The following LIPA variants were observed in gnomAD, a reference collection of about 807,000 sequenced individuals.
LIPA encodes the protein lysosomal acid lipase/cholesteryl ester hydrolase.
Under a neutral mutation model 40.6 loss-of-function variants are expected in LIPA, and 26 were observed. The observed-to-expected ratio is 0.64, with a 90% CI of 0.47 to 0.89. The LOEUF (loss-of-function observed/expected upper bound fraction) is 0.89, where lower values mean the gene tolerates loss of function less well. LIPA is among the 40% of genes least tolerant of loss of function. The pLI, the probability that LIPA is intolerant of heterozygous loss-of-function variation, is 0.00. For missense variants in LIPA, 455 were observed against 479.6 expected (o/e 0.95, Z 0.48); for synonymous variants, 188 against 168.4 (o/e 1.12, Z -0.90).
At chr10:89,308,072 G>A (rs1843494195) in intron 1 of LIPA, 1 of 152,326 alleles carries the variant, frequency 6.6e-6, no homozygotes, top group Admixed American at 6.5e-5. Flanking sequence ...AGTATACAGA[G>A]AGTTCACCTC....
Position 89,223,687 on chromosome 10 carries a change from A to G in LIPA, c.819T>C (p.Asn273=). 1 of 1,608,260 alleles carries G rather than the reference A, an allele frequency of 6.2e-7. No individual in the cohort carries two copies. Among genetic ancestry groups the G allele is most frequent in the Non-Finnish European group, 8.5e-7 (1 of 1,174,846 alleles). The change falls in exon 7 of 10, where the codon AAT becomes AAC. Residue 273 remains asparagine, a synonymous_variant. Coordinates refer to ENST00000336233, the MANE Select transcript of LIPA (RefSeq NM_000235.4). ...ATCTTACTATAAACATGCATACCAT[A>G]TTTAAATTTCTCTCATTAAATCCAC... ...LLCGFNERNL[N]MSRVDVYTTH...
chr10:89,407,051 A>G (rs303174), intron 2 of LIPA, among the ~76,000 whole-genome samples: 97,006 of 151,956 alleles, frequency 0.64, 33,216 homozygotes, highest in African/African-American at 0.89. Context: ...AACAACCCCC[A>G]ACTCTTTGGA....
chr10:89,292,658 A>G (rs1370982962), intron 1 of LIPA, among the ~76,000 whole-genome samples: 1 of 152,142 alleles, frequency 6.6e-6, no homozygotes, highest in Non-Finnish European at 1.5e-5. Flanking sequence ...ATACTAACAT[A>G]ATTCCTTTTT....
chr10:89,306,893 C>A (rs774089331), intron 1 of LIPA: 2 of 1,614,038 alleles, frequency 1.2e-6, no homozygotes, highest in Non-Finnish European at 1.7e-6. Context: ...AAGAAAGTTA[C>A]TGGAACTAAT....
chr10:89,316,281 G>A (rs1004363230), intron 1 of LIPA, among the ~76,000 whole-genome samples: 3 of 152,206 alleles, frequency 2.0e-5, no homozygotes, highest in South Asian at 2.1e-4. Context: ...CGCCTCACCC[G>A]GGAAGTGCAA....
chr10:89,360,580 G>C (rs1298579880), intron 2 of LIPA, among the ~76,000 whole-genome samples: 1 of 152,212 alleles, frequency 6.6e-6, no homozygotes, highest in Non-Finnish European at 1.5e-5. Context: ...TTTTACTAGA[G>C]ATGGGTTTTC....
At chr10:89,380,436 T>TG (rs1491569491) in intron 2 of LIPA, among the ~76,000 whole-genome samples, 1 of 92,260 alleles carries the variant, frequency 1.1e-5, no homozygotes, top group Admixed American at 1.2e-4. Flanking sequence ...CAAACTCATC[T>TG]TTTTTTTTTT....
chr10:89,366,594 T>C (rs1475239684), intron 2 of LIPA, among the ~76,000 whole-genome samples: 2 of 152,150 alleles, frequency 1.3e-5, no homozygotes, highest in Non-Finnish European at 2.9e-5. Context: ...TCACTGGCCA[T>C]CAGAGAAATG....
intron 3 of LIPA, among the ~76,000 whole-genome samples, chr10:89,228,909 A>T (rs1280106222): frequency 6.6e-6 from 1 of 152,234 alleles, no homozygotes; most frequent in African/African-American, 2.4e-5. Context: ...TGCTGGTGGA[A>T]ATGCAAACTG....
chr10:89,245,776 G>C lies in LIPA; in HGVS notation c.129C>G (p.Tyr43Ter), dbSNP rs121965087. 1.3e-6 allele frequency: 2 copies of C among 1,571,134 alleles called. No individual in the cohort carries two copies. Among genetic ancestry groups the C allele is most frequent in the Non-Finnish European group, 1.8e-6 (2 of 1,140,854 alleles). ...TNMNVSEIISYWGFPSEEYLV... is the reference protein window; with the variant it reads ...TNMNVSEIIS ...GGTATTCCTCACTAGGGAATCCCCA[G>C]TAAGAGATAATTTCACTCTGTAGAG... The change falls in exon 3 of 10, where the codon TAC becomes TAG. Residue 43 changes from tyrosine (Y) to a stop codon, truncating the protein, a stop_gained. Transcript: ENST00000336233. LOFTEE classifies it high-confidence loss of function.
At chr10:89,318,857 A>C (rs1386694357) in intron 1 of LIPA, among the ~76,000 whole-genome samples, 1 of 152,236 alleles carries the variant, frequency 6.6e-6, no homozygotes, top group South Asian at 2.1e-4. Context: ...AATTATAACA[A>C]ACTGTCTCTC....
At chr10:89,377,885 C>A (rs1487762460) in intron 2 of LIPA, among the ~76,000 whole-genome samples, 1 of 152,200 alleles carries the variant, frequency 6.6e-6, no homozygotes, top group Non-Finnish European at 1.5e-5. Context: ...CTGCTTCTCA[C>A]ACACCCATCC....
chr10:89,376,772 C>G (rs1844124978), intron 2 of LIPA, among the ~76,000 whole-genome samples: 1 of 152,204 alleles, frequency 6.6e-6, no homozygotes, highest in Admixed American at 6.5e-5. Context: ...TTTCCAGACA[C>G]AATTTAAGAT....
chr10:89,343,586 A>G (rs1054262407), upstream of LIPA, among the ~76,000 whole-genome samples: 2 of 152,154 alleles, frequency 1.3e-5, no homozygotes, highest in Non-Finnish European at 2.9e-5. Context: ...GGCCCTTCCA[A>G]TGTCTTTCAG....
intron 3 of LIPA, among the ~76,000 whole-genome samples, chr10:89,242,061 T>TA (rs200776364): frequency 2.6e-4 from 39 of 150,998 alleles, no homozygotes; most frequent in South Asian, 6.3e-4. Context: ...GAAGTGTGTT[T>TA]AAAAAAAAAC....
intron 9 of LIPA, 83 bp downstream of exon 9, chr10:89,215,855 C>T: frequency 1.1e-6 from 1 of 886,484 alleles, no homozygotes; most frequent in Non-Finnish European, 1.9e-6. Context: ...AGCACCTGAG[C>T]CTGGCCAGAA....
chr10:89,319,834 C>G (rs564601271), intron 1 of LIPA, among the ~76,000 whole-genome samples: 1 of 152,194 alleles, frequency 6.6e-6, no homozygotes, highest in Non-Finnish European at 1.5e-5. Flanking sequence ...TACTGGCAAA[C>G]TGAATCCAGC....
At chr10:89,343,539 A>G (rs1843890351), upstream of LIPA, among the ~76,000 whole-genome samples, 1 of 152,204 alleles carries the variant, frequency 6.6e-6, no homozygotes, top group Admixed American at 6.5e-5. Flanking sequence ...ATGAAAGACA[A>G]GAGGGCAGGA....
At chr10:89,275,206 G>A (rs923159143) in intron 1 of LIPA, among the ~76,000 whole-genome samples, 14 of 152,194 alleles carry the variant, frequency 9.2e-5, no homozygotes, top group Non-Finnish European at 1.9e-4. Context: ...GAACGTTCAA[G>A]CAGGTGTGTT....
Sources: allele counts gnomAD v4.1 joint callset (sites outside exome capture counted in the v4.1 genomes callset), GRCh38; gene constraint gnomAD v4.1.1; transcripts MANE v1.5; gene names NCBI Gene and HGNC (gene_info 2026-07-23, HGNC 2026-07-21).